The following INTS13 variants were observed in gnomAD, a reference collection of about 807,000 sequenced individuals.
INTS13 encodes integrator complex subunit 13.
A neutral mutation model predicts 90.2 loss-of-function variants in INTS13; 35 were observed. That is an observed-to-expected ratio of 0.39 (90% CI 0.30 to 0.51). The LOEUF (loss-of-function observed/expected upper bound fraction) is 0.51. Ranked by LOEUF, INTS13 falls within the 20% of genes least tolerant of loss-of-function variation. INTS13 has a pLI of 0.80. For synonymous variants in INTS13, 309 were observed against 277.1 expected, an observed-to-expected ratio of 1.11 and a Z score of -1.14; for missense variants, 601 against 851.2, an observed-to-expected ratio of 0.71 and a Z score of 3.66.
At position 26,911,202 on chromosome 12, in the gene INTS13, T is replaced by G; in HGVS notation, c.1921A>C (p.Thr641Pro). 5.6e-6 allele frequency: 9 copies of G among 1,613,490 alleles called. No homozygotes were observed. The highest frequency in any genetic ancestry group is 7.6e-6 in the Non-Finnish European group (9 of 1,179,828). The change falls in exon 15 of 17, where the codon ACT (threonine) becomes CCT (proline). Residue 641 changes from threonine to proline, a missense_variant. This residue lies in a region of INTS13 where 228 missense variants were observed against 272.5 expected (regional missense o/e 0.84). Coordinates refer to ENST00000261191, the MANE Select transcript of INTS13 (RefSeq NM_018164.3). ...NKKPLVEMDE[T>P]PQVEKSKGPV... ...CCTTTTGATTTTTCCACTTGTGGAGTTTCATCCATTTCAACAAGGGGTTTT... is the reference window on the plus strand; with the variant it reads ...CCTTTTGATTTTTCCACTTGTGGAGGTTCATCCATTTCAACAAGGGGTTTT...
chr12:26,925,633 T>C, intron 6 of INTS13, 128 bp downstream of exon 6: 1 of 764,294 alleles, frequency 1.3e-6, no homozygotes, highest in Non-Finnish European at 2.0e-6. Flanking sequence ...ACATAGAGGT[T>C]TACTTTGAAA....
chr12:26,918,079 G>A (rs1467590071), intron 8 of INTS13, among the ~76,000 whole-genome samples: 7 of 152,022 alleles, frequency 4.6e-5, no homozygotes, highest in Admixed American at 1.3e-4. Flanking sequence ...CTGCGATCAC[G>A]ACACTGCACT....
rs145001643 is a variant in INTS13, at chr12:26,925,316, C to G, written c.675+445G>C. Among the ~76,000 whole-genome samples, 933 of 152,068 alleles carry G rather than the reference C, an allele frequency of 6.1e-3. 11 individuals carry two copies. The highest frequency in any genetic ancestry group is 0.022 in the African/African-American group (897 of 41,514). ...TTGACAATCAACAGGATCATCTATT[C>G]CTTTAAAATTATTCAAATTTATTTA... On this transcript the variant is annotated intron_variant, in intron 6 of 16. Transcript: ENST00000261191.
At chr12:26,930,428 T>C (rs573361321) in intron 3 of INTS13, among the ~76,000 whole-genome samples, 2 of 152,316 alleles carry the variant, frequency 1.3e-5, no homozygotes, top group South Asian at 2.1e-4. Flanking sequence ...AGTACGGTAC[T>C]GGCACAAGAT....
At chr12:26,918,889 A>AATTAAGTAAAGATTT (rs1323827833) in intron 8 of INTS13, among the ~76,000 whole-genome samples, 22 of 152,292 alleles carry the variant, frequency 1.4e-4, no homozygotes, top group African/African-American at 5.1e-4. Flanking sequence ...AAGAAATGGA[A>AATTAAGTAAAGATTT]CAGATGCAGT....
At position 26,905,231 on chromosome 12, in the gene INTS13, G is replaced by GC; in HGVS notation, c.*265_*266insG. 1 of 326,986 alleles carries GC rather than the reference G, an allele frequency of 3.1e-6. No homozygotes were observed. The highest frequency in any genetic ancestry group is 5.5e-6 in the Non-Finnish European group (1 of 182,496). The allele number at this position is 326,986 out of a possible 1,614,324, so 20.3% of individuals were successfully genotyped here. Reference sequence around the variant, plus strand: ...TTTTATTTCGCAAAGAGAAGCCTAAGAATTTTTTTAAAAACATTTCCAGAG... The same window carrying GC: ...TTTTATTTCGCAAAGAGAAGCCTAAGCAATTTTTTTAAAAACATTTCCAGAG... On this transcript the variant is annotated 3_prime_UTR_variant, in exon 17 of 17. Coordinates refer to ENST00000261191, the MANE Select transcript of INTS13 (RefSeq NM_018164.3).
At chr12:26,909,993 A>T (rs997211887) in intron 15 of INTS13, among the ~76,000 whole-genome samples, 4 of 152,334 alleles carry the variant, frequency 2.6e-5, no homozygotes, top group Middle Eastern at 3.4e-3. Context: ...GACTAAATCT[A>T]GTTTGCCTTC....
chr12:26,936,280 T>C (rs1938454270), intron 2 of INTS13, among the ~76,000 whole-genome samples: 1 of 152,236 alleles, frequency 6.6e-6, no homozygotes, highest in African/African-American at 2.4e-5. Flanking sequence ...ACTTTGAATA[T>C]TGCTTCAATA....
chr12:26,910,542 T>C (rs921827104), intron 15 of INTS13, among the ~76,000 whole-genome samples: 6 of 152,206 alleles, frequency 3.9e-5, no homozygotes, highest in Admixed American at 1.3e-4. Flanking sequence ...CTCCCTTTGC[T>C]CTGCCCTTCC....
chr12:26,914,387 T>C (rs746690575), intron 12 of INTS13, 21 bp downstream of exon 12: 11 of 1,586,112 alleles, frequency 6.9e-6, no homozygotes, highest in African/African-American at 2.7e-5. Context: ...ATAAGAAAAG[T>C]TGAAGCTACT....
At chr12:26,919,390 T>C (rs1952041307) in intron 8 of INTS13, among the ~76,000 whole-genome samples, 1 of 152,134 alleles carries the variant, frequency 6.6e-6, no homozygotes, top group Non-Finnish European at 1.5e-5. Flanking sequence ...AACAGCTCTG[T>C]TGTTTCCTAA....
chr12:26,905,536 C>CCTGA lies in INTS13; in HGVS notation c.2082-4_2082-1dup (p.Met695GlnfsTer21). On this transcript the variant is annotated frameshift_variant and splice_region_variant. Coordinates refer to ENST00000261191, the MANE Select transcript of INTS13 (RefSeq NM_018164.3). LOFTEE classifies it high-confidence loss of function. ...CTTTTCCATTTTCTGTTGTCTCCAT[C>CCTGA]CTGAAATAGGAAGAAAAAAACGAGT... 6.2e-7 allele frequency: 1 copy of CCTGA among 1,611,204 alleles called. No homozygotes were observed. Among genetic ancestry groups the CCTGA allele is most frequent in the Non-Finnish European group, 8.5e-7 (1 of 1,178,904 alleles).
chr12:26,913,970 G>A lies in INTS13; in HGVS notation c.1574+4C>T, dbSNP rs374751389. On this transcript the variant is annotated splice_donor_region_variant and intron_variant, in intron 13 of 16. Transcript: ENST00000261191. ...TATAAAGTAAGAAAGAAAAAAAAATGTACCTTTTAGGGCCCTTTCCTCTTG... is the reference window on the plus strand; with the variant it reads ...TATAAAGTAAGAAAGAAAAAAAAATATACCTTTTAGGGCCCTTTCCTCTTG... 57 of 1,594,358 alleles carry A rather than the reference G, an allele frequency of 3.6e-5. 1 individual carries two copies. In the African/African-American group the frequency reaches 6.1e-4, roughly 17 times the overall value.
At chr12:26,906,867 A>C (rs2137385984) in intron 15 of INTS13, among the ~76,000 whole-genome samples, 1 of 152,344 alleles carries the variant, frequency 6.6e-6, no homozygotes, top group Non-Finnish European at 1.5e-5. Context: ...ACATGCAGCC[A>C]CATGTGCACA....
intron 8 of INTS13, among the ~76,000 whole-genome samples, chr12:26,918,071 G>A (rs1951994505): frequency 6.6e-6 from 1 of 152,018 alleles, no homozygotes; most frequent in South Asian, 2.1e-4. Flanking sequence ...GCGGTGAGCT[G>A]CGATCACGAC....
intron 8 of INTS13, among the ~76,000 whole-genome samples, chr12:26,920,686 C>T (rs894956726): frequency 7.9e-5 from 12 of 152,156 alleles, no homozygotes. Context: ...AGCCACTGCG[C>T]CTGGCCCATT....
chr12:26,916,485 A>G (rs1158876036), intron 10 of INTS13, among the ~76,000 whole-genome samples: 1 of 152,148 alleles, frequency 6.6e-6, no homozygotes, highest in African/African-American at 2.4e-5. Context: ...TTTCTCCTGG[A>G]CCTCAAGAAG....
At chr12:26,919,429 G>A (rs1009709483) in intron 8 of INTS13, among the ~76,000 whole-genome samples, 2 of 152,030 alleles carry the variant, frequency 1.3e-5, no homozygotes, top group African/African-American at 2.4e-5. Flanking sequence ...GGCACGGGGC[G>A]GGTTTAAGGT....
At chr12:26,923,032 T>C (rs1937672261) in intron 7 of INTS13, among the ~76,000 whole-genome samples, 1 of 152,064 alleles carries the variant, frequency 6.6e-6, no homozygotes, top group Admixed American at 6.6e-5. Flanking sequence ...TATAATGTAA[T>C]TGAAATAATT....
Sources: gnomAD v4.1 joint callset for allele counts (sites outside exome capture counted in the v4.1 genomes callset) on GRCh38, gnomAD v4.1.1 for gene constraint, gnomAD v4.1.1 regional missense constraint, MANE v1.5 for transcripts, NCBI Gene and HGNC (gene_info 2026-07-23, HGNC 2026-07-21) for gene names.